Variants in UBE2G1 observed in about 807,000 individuals in gnomAD.
UBE2G1 encodes ubiquitin conjugating enzyme E2 G1, also known as ubiquitin-conjugating enzyme E2 G1.
In UBE2G1, 5 loss-of-function variants were observed where a neutral mutation model predicts 22.7. The ratio of observed to expected loss-of-function variants is 0.22; its 90% CI spans 0.12 to 0.46. The LOEUF is 0.46. Ranked by LOEUF, UBE2G1 falls within the 20% of genes least tolerant of loss-of-function variation. UBE2G1 has a pLI of 0.99. For synonymous variants in UBE2G1, 74 were observed against 67.5 expected (o/e 1.10, Z -0.47); for missense variants, 88 against 203.9 (o/e 0.43, Z 3.46).
intron 1 of UBE2G1, among the ~76,000 whole-genome samples, chr17:4,365,547 G>C (rs1299992748): frequency 6.6e-6 from 1 of 152,092 alleles, no homozygotes. Flanking sequence ...CGCAGCAGCC[G>C]GAATCGCGGC....
At chr17:4,365,864 A>T (rs1196738314) in intron 1 of UBE2G1, among the ~76,000 whole-genome samples, 3 of 152,068 alleles carry the variant, frequency 2.0e-5, no homozygotes, top group African/African-American at 7.2e-5. Context: ...TCGCAGCCGC[A>T]CTGGGTCCGG....
intron 2 of UBE2G1, among the ~76,000 whole-genome samples, chr17:4,302,893 G>A (rs1969201501): frequency 6.6e-6 from 1 of 152,134 alleles, no homozygotes; most frequent in Non-Finnish European, 1.5e-5. Flanking sequence ...ATTGTGTGTT[G>A]CTGAAGAATT....
chr17:4,295,802 T>C (rs1230292795), intron 3 of UBE2G1, among the ~76,000 whole-genome samples: 4 of 150,990 alleles, frequency 2.6e-5, no homozygotes, highest in South Asian at 2.1e-4. Flanking sequence ...GACGTAGTTA[T>C]TGGGGGCTTA....
At chr17:4,292,105 G>A (rs1969048736) in intron 3 of UBE2G1, among the ~76,000 whole-genome samples, 1 of 151,992 alleles carries the variant, frequency 6.6e-6, no homozygotes, top group African/African-American at 2.4e-5. Context: ...GGAGGCTGAG[G>A]CGGGCGGATC....
At chr17:4,305,310 C>T (rs1015212648) in intron 2 of UBE2G1, among the ~76,000 whole-genome samples, 3 of 152,186 alleles carry the variant, frequency 2.0e-5, no homozygotes, top group African/African-American at 7.2e-5. Context: ...TTCTAACAAA[C>T]CTTTCTTCAT....
chr17:4,287,250 G>A (rs964801458), intron 4 of UBE2G1, among the ~76,000 whole-genome samples: 3 of 151,800 alleles, frequency 2.0e-5, no homozygotes, highest in South Asian at 2.1e-4. Context: ...GATTACAGGC[G>A]CCTGCCACCA....
intron 1 of UBE2G1, among the ~76,000 whole-genome samples, chr17:4,350,891 G>A (rs1188977496): frequency 1.3e-5 from 2 of 151,876 alleles, no homozygotes; most frequent in Non-Finnish European, 2.9e-5. Context: ...AAACTAGCCG[G>A]GCATGGTGGC....
chr17:4,344,866 A>G (rs1320915996), intron 1 of UBE2G1, among the ~76,000 whole-genome samples: 1 of 152,152 alleles, frequency 6.6e-6, no homozygotes, highest in Non-Finnish European at 1.5e-5. Flanking sequence ...CTAAATATAT[A>G]AAAAATAAAT....
At chr17:4,342,198 C>A (rs1219021433) in intron 1 of UBE2G1, among the ~76,000 whole-genome samples, 2 of 152,022 alleles carry the variant, frequency 1.3e-5, no homozygotes, top group African/African-American at 4.8e-5. Context: ...CAAAACCAAG[C>A]CCCTGATTAT....
Position 4,366,302 on chromosome 17 carries a change from C to G in UBE2G1, c.15G>C (p.Gln5His). Residue 5 changes from glutamine (Q) to histidine (H), a missense_variant, in exon 1 of 6, where the codon CAG (glutamine) becomes CAC (histidine). By Grantham distance (24) the Gln-to-His change is conservative (BLOSUM62 0). Transcript: ENST00000396981. ...GCTGTCTTCGCAGTAGCAGTGCCGA[C>G]TGCAGCTCCGTCATCCTCCCTGCCG... MTEL[Q>H]SALLLRRQLA... 6.4e-7 allele frequency: 1 copy of G among 1,552,792 alleles called. No homozygotes were observed. The highest frequency in any genetic ancestry group is 8.6e-7 in the Non-Finnish European group (1 of 1,158,732).
intron 1 of UBE2G1, among the ~76,000 whole-genome samples, chr17:4,346,968 C>T (rs143570020): frequency 3.5e-4 from 53 of 151,768 alleles, no homozygotes; most frequent in African/African-American, 1.2e-3. Flanking sequence ...ACCTGGCCAA[C>T]ACAGTGAAAC....
chr17:4,306,394 C>T (rs1292836572), intron 2 of UBE2G1, among the ~76,000 whole-genome samples: 2 of 151,852 alleles, frequency 1.3e-5, no homozygotes, highest in Non-Finnish European at 2.9e-5. Flanking sequence ...ACCATGTTGG[C>T]CAAGCTGGTA....
chr17:4,330,164 C>T (rs560997531), intron 1 of UBE2G1, among the ~76,000 whole-genome samples: 33 of 152,092 alleles, frequency 2.2e-4, no homozygotes, highest in African/African-American at 7.2e-4. Flanking sequence ...AAGTGTCTAA[C>T]AATTTAACAC....
At chr17:4,315,979 TTA>T (rs576984012) in intron 1 of UBE2G1, among the ~76,000 whole-genome samples, 2 of 150,718 alleles carry the variant, frequency 1.3e-5, no homozygotes, top group African/African-American at 4.9e-5. Flanking sequence ...GGCTAATTTT[TTA>T]TATATATATG....
intron 1 of UBE2G1, among the ~76,000 whole-genome samples, chr17:4,314,556 T>G (rs1969345960): frequency 6.6e-6 from 1 of 152,220 alleles, no homozygotes; most frequent in South Asian, 2.1e-4. Flanking sequence ...TTACACAAAT[T>G]ATATTGCCAA....
Position 4,286,257 on chromosome 17 carries a change from T to G in UBE2G1, c.426+2973A>C, listed in dbSNP as rs187189299. Among the ~76,000 whole-genome samples the G allele has an allele frequency of 1.8e-3, 270 of 151,538 alleles. 1 individual carries two copies. The highest frequency in any genetic ancestry group is 3.0e-3 in the Admixed American group (45 of 15,222). On this transcript the variant is annotated intron_variant, in intron 4 of 5. Coordinates refer to ENST00000396981, the MANE Select transcript of UBE2G1 (RefSeq NM_003342.5). ...CTGTCTCTACTAAAACTACAAAAAT[T>G]AGCCAGGCGTGGTGGCAGATGCCTG... is the stretch of plus-strand genomic sequence containing the variant.
At chr17:4,354,389 C>T (rs527639938) in intron 1 of UBE2G1, among the ~76,000 whole-genome samples, 6 of 152,236 alleles carry the variant, frequency 3.9e-5, no homozygotes, top group African/African-American at 1.2e-4. Flanking sequence ...AGCATTAGAT[C>T]TGCATAAATG....
intron 1 of UBE2G1, among the ~76,000 whole-genome samples, chr17:4,340,479 G>C (rs1192173607): frequency 6.6e-6 from 1 of 152,122 alleles, no homozygotes; most frequent in African/African-American, 2.4e-5. Context: ...GGGACCTCAT[G>C]GGCTGTGATT....
chr17:4,292,088 C>G (rs1164113861), intron 3 of UBE2G1, among the ~76,000 whole-genome samples: 14 of 152,066 alleles, frequency 9.2e-5, no homozygotes, highest in Admixed American at 9.2e-4. Flanking sequence ...GTAATCCCAG[C>G]ACTTTGGGAG....
Sources: gnomAD v4.1 joint callset for allele counts (sites outside exome capture counted in the v4.1 genomes callset) on GRCh38, gnomAD v4.1.1 for gene constraint, MANE v1.5 for transcripts, NCBI Gene and HGNC (gene_info 2026-07-23, HGNC 2026-07-21) for gene names.